ACP5: variants seen among roughly 807,000 people sequenced by gnomAD.
ACP5 encodes the protein tartrate-resistant acid phosphatase type 5.
Under a neutral mutation model 28.7 loss-of-function variants are expected in ACP5, and 24 were observed. That is an observed-to-expected ratio of 0.84 (90% CI 0.61 to 1.18). ACP5 has a LOEUF of 1.18. ACP5 is among the 50% of genes most tolerant of loss of function. The pLI, the probability that ACP5 is intolerant of heterozygous loss-of-function variation, is 0.00. For missense variants in ACP5, 354 were observed against 422.2 expected (o/e 0.84, Z 1.42); for synonymous variants, 154 against 181.4 (o/e 0.85, Z 1.21).
intron 4 of ACP5, among the ~76,000 whole-genome samples, chr19:11,576,006 C>CAAAAAAAAAAAAAAAAAAAAAAAAAAAAA (rs3035420): frequency 3.4e-4 from 18 of 52,858 alleles, no homozygotes; most frequent in East Asian, 1.2e-3. Flanking sequence ...ACCTTGTCTC[C>CAAAAAAAAAAAAAAAAAAAAAAAAAAAAA]AAAAAAAAAA....
chr19:11,574,923 G>A lies in ACP5; in HGVS notation c.*87C>T, dbSNP rs1316586541. ...CCTGCTGCAGCGCCACAGGTTGGAGGAAAAGCCTGCCTGTGAGCAGGGTCC... is the reference window on the plus strand; with the variant it reads ...CCTGCTGCAGCGCCACAGGTTGGAGAAAAAGCCTGCCTGTGAGCAGGGTCC... On this transcript the variant is annotated 3_prime_UTR_variant, in exon 5 of 5. Transcript: ENST00000648477. 2.6e-6 allele frequency: 4 copies of A among 1,523,484 alleles called. No homozygotes were observed. The highest frequency in any genetic ancestry group is 1.8e-6 in the Non-Finnish European group (2 of 1,102,438). The allele number at this position is 1,523,484 out of a possible 1,614,324, so 94.4% of individuals were successfully genotyped here.
intron 4 of ACP5, chr19:11,575,655 C>G (rs967144273): frequency 7.9e-6 from 2 of 253,104 alleles, no homozygotes; most frequent in East Asian, 9.2e-5. Flanking sequence ...GTCAGAAGTT[C>G]GAGATCAGCC....
upstream of ACP5, chr19:11,578,528 C>T (rs1973259978): frequency 6.6e-6 from 1 of 152,328 alleles, no homozygotes; most frequent in Admixed American, 6.5e-5. Context: ...TCCACGGGAC[C>T]GCAGCCTGGG....
Position 11,577,418 on chromosome 19 carries a change from C to T in ACP5, c.1-101G>A. ...TGAGATAGAGGGAGACTGCTTGCTG[C>T]AGGCTGCCCCTGCGGGAACCCCTTG... On this transcript the variant is annotated intron_variant, in intron 1 of 4. Coordinates refer to ENST00000648477, the MANE Select transcript of ACP5 (RefSeq NM_001611.5). The surrounding 1 kb of genome is among the most constrained non-coding windows in gnomAD (Gnocchi z 5.7). 3 of 1,369,376 alleles carry T rather than the reference C, an allele frequency of 2.2e-6. No individual in the cohort carries two copies. Among genetic ancestry groups the T allele is most frequent in the East Asian group, 2.5e-5 (1 of 40,232 alleles). 84.8% of individuals were successfully genotyped at this position (1,369,376 alleles called of 1,614,324 possible).
intron 2 of ACP5, 87 bp from the exon 3 acceptor site, chr19:11,576,930 A>T (rs781650240): frequency 6.2e-7 from 1 of 1,609,458 alleles, no homozygotes; most frequent in Admixed American, 1.7e-5. Flanking sequence ...GGAGACACTG[A>T]ATGCTCCCGG....
At position 11,575,028 on chromosome 19, in the gene ACP5, C is replaced by T. The variant is rs147954991; in HGVS notation, c.960G>A (p.Pro320=). The T allele has an allele frequency of 5.6e-6, 9 of 1,614,016 alleles. No homozygotes were observed. The highest frequency in any genetic ancestry group is 1.6e-4 in the Middle Eastern group (1 of 6,084). Residue 320 remains proline (P), a synonymous_variant, in exon 5 of 5, where the codon CCG becomes CCA. Transcript: ENST00000648477. ...SGKSLFKTRL[P]RRARP ...TGGGAGTTCAGGGCCTGGCTCGCCT[C>T]GGCAGCCTGGTCTTAAAGAGGGACT...
In ACP5 at chr19:11,577,297, C is replaced by T. The variant is rs1973206476; in HGVS notation, c.21G>A (p.Leu7=). MDMWTA[L]LILQALLLPS... The stretch of plus-strand genomic sequence containing the variant: ...GTAGCAACAAGGCTTGCAGGATGAG[C>T]AGCGCCGTCCACATGTCCATCTGGG... The change falls in exon 2 of 5, where the codon CTG becomes CTA. Residue 7 remains leucine, a synonymous_variant. Coordinates refer to ENST00000648477, the MANE Select transcript of ACP5 (RefSeq NM_001611.5). This position sits in a 1 kb window ranked among gnomAD's most constrained non-coding sequence, Gnocchi z 5.7. 1 of 1,613,864 alleles carries T rather than the reference C, an allele frequency of 6.2e-7. No homozygotes were observed. The highest frequency in any genetic ancestry group is 8.5e-7 in the Non-Finnish European group (1 of 1,179,906).
intron 4 of ACP5, among the ~76,000 whole-genome samples, chr19:11,575,966 T>C (rs1973122772): frequency 8.5e-6 from 1 of 118,144 alleles, no homozygotes; most frequent in East Asian, 2.8e-4. Context: ...ATTGCACCAC[T>C]GCACTCCAGC....
intron 4 of ACP5, chr19:11,575,676 G>T: frequency 4.2e-6 from 1 of 239,892 alleles, no homozygotes; most frequent in Non-Finnish European, 8.3e-6. Flanking sequence ...TGGCCAACAT[G>T]GTGAAACCCC....
chr19:11,576,005 C>CAAA (rs1973124984), intron 4 of ACP5, among the ~76,000 whole-genome samples: 2 of 47,374 alleles, frequency 4.2e-5, no homozygotes, highest in Non-Finnish European at 7.6e-5. Context: ...AACCTTGTCT[C>CAAA]CAAAAAAAAA....
chr19:11,574,945 G>GTCCC lies in ACP5; in HGVS notation c.*61_*64dup. 6.2e-7 allele frequency: 1 copy of GTCCC among 1,600,456 alleles called. No homozygotes were observed. The highest frequency in any genetic ancestry group is 8.6e-7 in the Non-Finnish European group (1 of 1,169,448). On this transcript the variant is annotated 3_prime_UTR_variant, in exon 5 of 5. Transcript: ENST00000648477. Reference sequence around the variant, plus strand: ...GAGGAAAAGCCTGCCTGTGAGCAGGGTCCCGGCAGGGCCCACCCACCCAAC... The same window carrying GTCCC: ...GAGGAAAAGCCTGCCTGTGAGCAGGGTCCCTCCCGGCAGGGCCCACCCACCCAAC...
At chr19:11,575,682 A>AC (rs1973109194) in intron 4 of ACP5, 1 of 234,350 alleles carries the variant, frequency 4.3e-6, no homozygotes, top group East Asian at 9.9e-5. Flanking sequence ...ACATGGTGAA[A>AC]CCCCGTCTCT....
intron 4 of ACP5, 145 bp from the exon 5 acceptor site, chr19:11,575,397 G>A (rs1416689372): frequency 2.1e-6 from 2 of 964,432 alleles, no homozygotes; most frequent in African/African-American, 1.6e-5. Context: ...TTTTAGGAGT[G>A]TATTAATCCT....
rs1973214684 is a variant in ACP5 at position 11,577,441 on chromosome 19, T to G, written c.1-124A>C. 5 of 1,107,392 alleles carry G rather than the reference T, an allele frequency of 4.5e-6. No homozygotes were observed. In the Admixed American group the frequency reaches 1.0e-4, roughly 22 times the overall value. The allele number at this position is 1,107,392 out of a possible 1,614,324, so 68.6% of individuals were successfully genotyped here. A position where few individuals can be genotyped will look rare whatever the true frequency, so the allele number is the denominator to read the frequency against. On this transcript the variant is annotated intron_variant, in intron 1 of 4. Coordinates refer to ENST00000648477, the MANE Select transcript of ACP5 (RefSeq NM_001611.5). This position sits in a 1 kb window ranked among gnomAD's most constrained non-coding sequence, Gnocchi z 5.7. The stretch of plus-strand genomic sequence containing the variant: ...TGCAGGCTGCCCCTGCGGGAACCCC[T>G]TGGTGCCCTAATTCTCAGGACACAC...
chr19:11,575,422 G>T, intron 4 of ACP5, 170 bp from the exon 5 acceptor site: 1 of 789,532 alleles, frequency 1.3e-6, no homozygotes, highest in Non-Finnish European at 2.1e-6. Flanking sequence ...CATAGGTAGA[G>T]CACTTAGTAA....
rs1376447567 is a variant in ACP5 at position 11,577,237 on chromosome 19, G to A, written c.81C>T (p.Arg27=). 1 of 1,614,134 alleles carries A rather than the reference G, an allele frequency of 6.2e-7. No homozygotes were observed. The highest frequency in any genetic ancestry group is 1.1e-5 in the South Asian group (1 of 91,090). ...SLADGATPAL[R]FVAVGDWGGV... ...CTCCCCAGTCACCCACGGCTACAAA[G>A]CGCAGGGCAGGGGTGGCACCATCAG... The change falls in exon 2 of 5, where the codon CGC becomes CGT. Residue 27 remains arginine, a synonymous_variant. Transcript: ENST00000648477. This position sits in a 1 kb window ranked among gnomAD's most constrained non-coding sequence, Gnocchi z 5.7.
upstream of ACP5, chr19:11,577,786 C>T: frequency 3.9e-6 from 1 of 253,824 alleles, no homozygotes; most frequent in Non-Finnish European, 7.9e-6. This position sits in a 1 kb window ranked among gnomAD's most constrained non-coding sequence, Gnocchi z 5.7. Context: ...TGGAGCAGGA[C>T]ACGGGATTGG....
At chr19:11,575,666 T>A (rs1161851518) in intron 4 of ACP5, 1 of 248,572 alleles carries the variant, frequency 4.0e-6, no homozygotes, top group African/African-American at 2.2e-5. Flanking sequence ...GAGATCAGCC[T>A]GGCCAACATG....
Position 11,577,378 on chromosome 19 carries a change from G to A in ACP5, c.1-61C>T. The A allele has an allele frequency of 6.4e-7, 1 of 1,570,362 alleles. No homozygotes were observed. Among genetic ancestry groups the A allele is most frequent in the South Asian group, 1.1e-5 (1 of 87,134 alleles). On this transcript the variant is annotated intron_variant, in intron 1 of 4. Coordinates refer to ENST00000648477, the MANE Select transcript of ACP5 (RefSeq NM_001611.5). This position sits in a 1 kb window ranked among gnomAD's most constrained non-coding sequence, Gnocchi z 5.7. Reference sequence around the variant, plus strand: ...TGTGACAAGGGCAGGGAGGCCTTGAGACCCCCGCCTGCCCTGAGATAGAGG... The same window carrying A: ...TGTGACAAGGGCAGGGAGGCCTTGAAACCCCCGCCTGCCCTGAGATAGAGG...
Sources: allele counts gnomAD v4.1 joint callset (sites outside exome capture counted in the v4.1 genomes callset), GRCh38; gene constraint gnomAD v4.1.1; non-coding constraint Gnocchi (gnomAD v3.1); transcripts MANE v1.5; gene names NCBI Gene and HGNC (gene_info 2026-07-23, HGNC 2026-07-21).